CHST11: variants seen among roughly 807,000 people sequenced by gnomAD.
The protein encoded by CHST11 is carbohydrate sulfotransferase 11.
CHST11 carries 9 observed loss-of-function variants against 30.4 expected under a neutral mutation model. The observed-to-expected ratio is 0.30, with a 90% CI of 0.18 to 0.52. The LOEUF is 0.52. CHST11 is among the 20% of genes least tolerant of loss of function. The pLI, the probability that CHST11 is intolerant of heterozygous loss-of-function variation, is 0.97. For synonymous variants in CHST11, 152 were observed against 187.8 expected (o/e 0.81, Z 1.56); for missense variants, 348 against 460.6 (o/e 0.76, Z 2.24).
At chr12:104,680,504 G>A (rs2039785182) in intron 2 of CHST11, among the ~76,000 whole-genome samples, 2 of 152,252 alleles carry the variant, frequency 1.3e-5, no homozygotes, top group Admixed American at 1.3e-4. Flanking sequence ...AAGTAAGGAT[G>A]TTCTGCTAGG....
At chr12:104,554,893 C>T (rs967865741) in intron 1 of CHST11, among the ~76,000 whole-genome samples, 2 of 152,168 alleles carry the variant, frequency 1.3e-5, no homozygotes, top group Non-Finnish European at 2.9e-5. Context: ...TTGCTTTCCC[C>T]ATCCAGAATG....
chr12:104,619,891 C>A (rs1566011036), intron 2 of CHST11, among the ~76,000 whole-genome samples: 1 of 152,174 alleles, frequency 6.6e-6, no homozygotes, highest in Admixed American at 6.5e-5. Context: ...AGTTCATTAA[C>A]AAGGAGGAAC....
intron 1 of CHST11, among the ~76,000 whole-genome samples, chr12:104,526,587 A>G (rs2038128335): frequency 2.0e-5 from 3 of 152,048 alleles, no homozygotes; most frequent in Non-Finnish European, 2.9e-5. Flanking sequence ...TGCTTGTTAG[A>G]GGGGGCTTGA....
intron 1 of CHST11, among the ~76,000 whole-genome samples, chr12:104,497,909 C>CTTTTTTTTTTT (rs1205174607): frequency 5.3e-5 from 4 of 75,676 alleles, no homozygotes; most frequent in Non-Finnish European, 9.4e-5. Context: ...CCTGCCCCCT[C>CTTTTTTTTTTT]TTTTTTTTTT....
intron 2 of CHST11, among the ~76,000 whole-genome samples, chr12:104,632,851 G>A (rs142419284): frequency 6.6e-6 from 1 of 152,364 alleles, no homozygotes; most frequent in East Asian, 1.9e-4. Flanking sequence ...GTACACTGAA[G>A]CTATCGCTGA....
At chr12:104,601,715 G>A (rs1566003220) in intron 1 of CHST11, among the ~76,000 whole-genome samples, 191 bp from the exon 2 acceptor site, 3 of 152,218 alleles carry the variant, frequency 2.0e-5, no homozygotes, top group African/African-American at 7.2e-5. Context: ...GTGTGGAGAT[G>A]CCTGAATGTT....
At chr12:104,633,412 CTTTTTTTTT>C (rs34686417) in intron 2 of CHST11, among the ~76,000 whole-genome samples, 12 of 111,886 alleles carry the variant, frequency 1.1e-4, no homozygotes, top group South Asian at 3.1e-4. Flanking sequence ...CTCCCTCTGT[CTTTTTTTTT>C]TTTTTTTTTT....
intron 2 of CHST11, among the ~76,000 whole-genome samples, chr12:104,721,923 A>G (rs1471739610): frequency 6.6e-6 from 1 of 152,196 alleles, no homozygotes; most frequent in Admixed American, 6.5e-5. Flanking sequence ...CAAGTGATGG[A>G]GTTTAAACTC....
Position 104,457,346 on chromosome 12 carries a change from G to T in CHST11, c.-66G>T. 1.7e-6 allele frequency: 2 copies of T among 1,178,232 alleles called. No homozygotes were observed. The highest frequency in any genetic ancestry group is 2.4e-5 in the East Asian group (1 of 41,398). 73.0% of individuals were successfully genotyped at this position (1,178,232 alleles called of 1,614,324 possible). ...TCCCGGGCTCCGGTCCGCGCGGCGG[G>T]GTCCCTGCTCCTGCGCCCCGGGCGC... On this transcript the variant is annotated 5_prime_UTR_variant, in exon 1 of 3. Coordinates refer to ENST00000303694, the MANE Select transcript of CHST11 (RefSeq NM_018413.6).
intron 1 of CHST11, among the ~76,000 whole-genome samples, chr12:104,567,118 G>T (rs1190180123): frequency 6.6e-6 from 1 of 152,168 alleles, no homozygotes; most frequent in East Asian, 1.9e-4. Flanking sequence ...TGTCTCTAAA[G>T]AATGGAGTAC....
intron 1 of CHST11, among the ~76,000 whole-genome samples, chr12:104,597,466 A>G (rs1024426220): frequency 6.6e-6 from 1 of 151,774 alleles, no homozygotes; most frequent in African/African-American, 2.4e-5. Context: ...CAGACCTTTC[A>G]TTTTTCAAAG....
intron 2 of CHST11, among the ~76,000 whole-genome samples, chr12:104,633,663 C>T (rs34004149): frequency 0.052 from 7,958 of 152,074 alleles, 418 homozygotes; most frequent in African/African-American, 0.14. Context: ...GTTCCGCCTG[C>T]CTCGGCCTCC....
intron 2 of CHST11, among the ~76,000 whole-genome samples, chr12:104,699,322 A>G (rs1380130752): frequency 3.3e-5 from 5 of 152,274 alleles, no homozygotes; most frequent in Non-Finnish European, 5.9e-5. Context: ...AGTATAAAAT[A>G]CAGATTTCAA....
chr12:104,584,404 A>G (rs1419430725), intron 1 of CHST11, among the ~76,000 whole-genome samples: 1 of 151,590 alleles, frequency 6.6e-6, no homozygotes, highest in South Asian at 2.1e-4. Flanking sequence ...CTACGGGTAT[A>G]TGCCACCATG....
At chr12:104,462,804 A>G (rs923856338) in intron 1 of CHST11, among the ~76,000 whole-genome samples, 6 of 152,192 alleles carry the variant, frequency 3.9e-5, no homozygotes, top group African/African-American at 1.4e-4. Flanking sequence ...ACTGAAGGAG[A>G]AGACATTTTT....
In CHST11 at chr12:104,600,076, CT is replaced by C. The variant is rs1388512692; in HGVS notation, c.119-1829del. ...GTTTGGCCCCTTACAGAAAATTTTGCTGACCCCTGCCCTAGGAAGTCAAGGA... is the reference window on the plus strand; with the variant it reads ...GTTTGGCCCCTTACAGAAAATTTTGCGACCCCTGCCCTAGGAAGTCAAGGA... On this transcript the variant is annotated intron_variant, in intron 1 of 2. Coordinates refer to ENST00000303694, the MANE Select transcript of CHST11 (RefSeq NM_018413.6). This position sits in a 1 kb window ranked among gnomAD's most constrained non-coding sequence, Gnocchi z 4.1. Among the ~76,000 whole-genome samples, 2 of 152,178 alleles carry C rather than the reference CT, an allele frequency of 1.3e-5. No homozygotes were observed. Among genetic ancestry groups the C allele is most frequent in the Admixed American group, 1.3e-4 (2 of 15,280 alleles).
chr12:104,698,453 C>T (rs1261228948), intron 2 of CHST11, among the ~76,000 whole-genome samples: 1 of 152,196 alleles, frequency 6.6e-6, no homozygotes, highest in Non-Finnish European at 1.5e-5. Context: ...CTATCTTTTT[C>T]CTTGTCTGCT....
Position 104,572,056 on chromosome 12 carries a change from G to A in CHST11, c.119-29850G>A, listed in dbSNP as rs570442862. Among the ~76,000 whole-genome samples, 22 of 152,304 alleles carry A rather than the reference G, an allele frequency of 1.4e-4. No homozygotes were observed. The South Asian group carries it at 1.7e-3, about 11-fold the overall frequency. On this transcript the variant is annotated intron_variant, in intron 1 of 2. Coordinates refer to ENST00000303694, the MANE Select transcript of CHST11 (RefSeq NM_018413.6). Reference sequence around the variant, plus strand: ...TGTTGAACCAGCCTTGCATCCCAGGGATGAAGCCCACTTGATCATGGTGGA... The same window carrying A: ...TGTTGAACCAGCCTTGCATCCCAGGAATGAAGCCCACTTGATCATGGTGGA...
At chr12:104,682,360 A>G (rs1287775619) in intron 2 of CHST11, among the ~76,000 whole-genome samples, 1 of 152,204 alleles carries the variant, frequency 6.6e-6, no homozygotes, top group Non-Finnish European at 1.5e-5. Context: ...TGTCTGGCCA[A>G]CCGCCACAAA....
Sources: gnomAD v4.1 joint callset for allele counts (sites outside exome capture counted in the v4.1 genomes callset) on GRCh38, gnomAD v4.1.1 for gene constraint, Gnocchi (gnomAD v3.1) non-coding constraint, MANE v1.5 for transcripts, NCBI Gene and HGNC (gene_info 2026-07-23, HGNC 2026-07-21) for gene names.